Variants in H2BC9 observed in about 807,000 individuals in gnomAD.
The protein encoded by H2BC9 is histone H2B type 1-H.
A neutral mutation model predicts 5.8 loss-of-function variants in H2BC9; 11 were observed. The observed-to-expected ratio is 1.89, with a 90% CI of 1.19 to 3.12. The LOEUF (loss-of-function observed/expected upper bound fraction) is 3.12, where lower values mean the gene tolerates loss of function less well. H2BC9 is among the 30% of genes most tolerant of loss of function. The probability of loss-of-function intolerance (pLI) is 0.00; values close to 1 mark genes in which losing one functional copy is unlikely to be tolerated. For missense variants in H2BC9, 219 were observed against 167.8 expected, an observed-to-expected ratio of 1.30 and a Z score of -1.68; for synonymous variants, 136 against 72.2, an observed-to-expected ratio of 1.88 and a Z score of -4.48.
At position 26,251,971 on chromosome 6, in the gene H2BC9, G is replaced by T. The variant is rs1193921441; in HGVS notation, c.321G>T (p.Leu107=). Reference sequence around the variant, plus strand: ...TGCGCCTGCTGCTGCCTGGGGAACTGGCCAAGCACGCCGTGTCCGAGGGCA... The same window carrying T: ...TGCGCCTGCTGCTGCCTGGGGAACTTGCCAAGCACGCCGTGTCCGAGGGCA... ...TAVRLLLPGE[L]AKHAVSEGTK... Residue 107 remains leucine (L), a synonymous_variant, in exon 1 of 1, where the codon CTG becomes CTT. Coordinates refer to ENST00000619466, the MANE Select transcript of H2BC9 (RefSeq NM_003524.3). 1 of 1,614,238 alleles carries T rather than the reference G, an allele frequency of 6.2e-7. No individual in the cohort carries two copies. Among genetic ancestry groups the T allele is most frequent in the Non-Finnish European group, 8.5e-7 (1 of 1,180,048 alleles).
At position 26,251,974 on chromosome 6, in the gene H2BC9, C is replaced by T. The variant is rs1760091408; in HGVS notation, c.324C>T (p.Ala108=). The part of the protein sequence containing the change: ...AVRLLLPGEL[A]KHAVSEGTKA... ...GCCTGCTGCTGCCTGGGGAACTGGC[C>T]AAGCACGCCGTGTCCGAGGGCACTA... is the stretch of plus-strand genomic sequence containing the variant. Residue 108 remains alanine (A), a synonymous_variant, in exon 1 of 1, where the codon GCC becomes GCT. Coordinates refer to ENST00000619466, the MANE Select transcript of H2BC9 (RefSeq NM_003524.3). The T allele has an allele frequency of 6.2e-7, 1 of 1,614,108 alleles. No individual in the cohort carries two copies. Among genetic ancestry groups the T allele is most frequent in the South Asian group, 1.1e-5 (1 of 91,094 alleles).
In H2BC9 at chr6:26,251,656, T is replaced by C; in HGVS notation, c.6T>C (p.Pro2=). The C allele has an allele frequency of 6.2e-7, 1 of 1,614,072 alleles. No homozygotes were observed. Among genetic ancestry groups the C allele is most frequent in the Non-Finnish European group, 8.5e-7 (1 of 1,180,026 alleles). Residue 2 remains proline (P), a synonymous_variant, in exon 1 of 1, where the codon CCT becomes CCC. Transcript: ENST00000619466. Reference sequence around the variant, plus strand: ...TACTCCTTTATCTTGTTGCAATGCCTGATCCAGCTAAGTCCGCTCCCGCCC... The same window carrying C: ...TACTCCTTTATCTTGTTGCAATGCCCGATCCAGCTAAGTCCGCTCCCGCCC... M[P]DPAKSAPAPK... is the part of the protein sequence containing the mutation.
At position 26,251,659 on chromosome 6, in the gene H2BC9, T is replaced by A. The variant is rs1009493625; in HGVS notation, c.9T>A (p.Asp3Glu). The change falls in exon 1 of 1, where the codon GAT (aspartate) becomes GAA (glutamate). Residue 3 changes from aspartate to glutamate, a missense_variant. Asp to Glu is a conservative substitution (Grantham distance 45). Coordinates refer to ENST00000619466, the MANE Select transcript of H2BC9 (RefSeq NM_003524.3). MP[D>E]PAKSAPAPKK... Reference sequence around the variant, plus strand: ...TCCTTTATCTTGTTGCAATGCCTGATCCAGCTAAGTCCGCTCCCGCCCCGA... The same window carrying A: ...TCCTTTATCTTGTTGCAATGCCTGAACCAGCTAAGTCCGCTCCCGCCCCGA... The A allele has an allele frequency of 1.9e-5, 30 of 1,613,892 alleles. No homozygotes were observed. The South Asian group carries it at 3.3e-4, about 18-fold the overall frequency.
At position 26,252,012 on chromosome 6, in the gene H2BC9, A is replaced by G. The variant is rs752163332; in HGVS notation, c.362A>G (p.Lys121Arg). The change falls in exon 1 of 1, where the codon AAG becomes AGG. Residue 121 changes from lysine to arginine, a missense_variant. By Grantham distance (26) the Lys-to-Arg change is conservative. Coordinates refer to ENST00000619466, the MANE Select transcript of H2BC9 (RefSeq NM_003524.3). ...AVSEGTKAVT[K>R]YTSSK ...TCCGAGGGCACTAAGGCCGTCACCA[A>G]GTACACCAGCTCCAAATAAATGGAC... is the stretch of plus-strand genomic sequence containing the variant. 2 of 1,614,242 alleles carry G rather than the reference A, an allele frequency of 1.2e-6. No homozygotes were observed. Among genetic ancestry groups the G allele is most frequent in the Non-Finnish European group, 1.7e-6 (2 of 1,180,036 alleles).
rs1009493625 is a variant in H2BC9 at position 26,251,659 on chromosome 6, T to C, written c.9T>C (p.Asp3=). The C allele has an allele frequency of 1.9e-6, 3 of 1,613,892 alleles. No individual in the cohort carries two copies. The African/African-American group carries it at 4.0e-5, about 22-fold the overall frequency. The change falls in exon 1 of 1, where the codon GAT becomes GAC. Residue 3 remains aspartate, a synonymous_variant. Transcript: ENST00000619466. MP[D]PAKSAPAPKK... is the part of the protein sequence containing the mutation. ...TCCTTTATCTTGTTGCAATGCCTGA[T>C]CCAGCTAAGTCCGCTCCCGCCCCGA...
Position 26,251,714 on chromosome 6 carries a change from G to C in H2BC9, c.64G>C (p.Ala22Pro), listed in dbSNP as rs1195365323. The C allele has an allele frequency of 6.2e-7, 1 of 1,614,196 alleles. No homozygotes were observed. The highest frequency in any genetic ancestry group is 8.5e-7 in the Non-Finnish European group (1 of 1,180,034). Residue 22 changes from alanine (A) to proline (P), a missense_variant, in exon 1 of 1, where the codon GCG (alanine) becomes CCG (proline). Ala to Pro is a conservative substitution (Grantham distance 27). Coordinates refer to ENST00000619466, the MANE Select transcript of H2BC9 (RefSeq NM_003524.3). ...KKGSKKAVTK[A>P]QKKDGKKRKR... ...GGGCTCCAAGAAGGCGGTGACCAAG[G>C]CGCAGAAGAAGGATGGCAAGAAGCG... is the stretch of plus-strand genomic sequence containing the variant.
Sources: allele counts gnomAD v4.1 joint callset, GRCh38; gene constraint gnomAD v4.1.1; transcripts MANE v1.5; gene names NCBI Gene and HGNC (gene_info 2026-07-23, HGNC 2026-07-21).